The following PDE4D variants were observed in gnomAD, a reference collection of about 807,000 sequenced individuals.
The protein encoded by PDE4D is phosphodiesterase 4D.
In PDE4D, 24 loss-of-function variants were observed where a neutral mutation model predicts 87.4. The observed-to-expected ratio is 0.27, with a 90% CI of 0.20 to 0.39. PDE4D has a LOEUF of 0.39. Ranked by LOEUF, PDE4D falls within the 10% of genes least tolerant of loss-of-function variation. The probability of loss-of-function intolerance (pLI) is 1.00; values close to 1 mark genes in which losing one functional copy is unlikely to be tolerated. For missense variants in PDE4D, 714 were observed against 1,041.0 expected, an observed-to-expected ratio of 0.69 and a Z score of 4.32; for synonymous variants, 384 against 383.2, an observed-to-expected ratio of 1.00 and a Z score of -0.02.
intron 1 of PDE4D, among the ~76,000 whole-genome samples, chr5:59,384,338 G>A (rs1373532645): frequency 1.3e-5 from 2 of 152,150 alleles, no homozygotes; most frequent in African/African-American, 4.8e-5. Context: ...TAGTTGAATG[G>A]AGCCACGTGA....
At chr5:60,276,001 T>C (rs970080575) in intron 1 of PDE4D, among the ~76,000 whole-genome samples, 1 of 152,208 alleles carries the variant, frequency 6.6e-6, no homozygotes, top group Non-Finnish European at 1.5e-5. Context: ...ACAAACACTC[T>C]GTATGATTTA....
chr5:59,593,319 C>CAA (rs35227171), intron 1 of PDE4D, among the ~76,000 whole-genome samples: 6 of 112,354 alleles, frequency 5.3e-5, no homozygotes, highest in Admixed American at 9.2e-5. Flanking sequence ...TAATGGCTCT[C>CAA]AAAAAAAAAA....
intron 3 of PDE4D, among the ~76,000 whole-genome samples, chr5:59,911,652 A>AG (rs1221487451): frequency 1.3e-5 from 2 of 152,212 alleles, no homozygotes; most frequent in African/African-American, 4.8e-5. Flanking sequence ...GGGCAGTTAC[A>AG]GGAGCATCGG....
chr5:60,017,273 A>T (rs1261089397), intron 2 of PDE4D, among the ~76,000 whole-genome samples: 1 of 152,144 alleles, frequency 6.6e-6, no homozygotes, highest in African/African-American at 2.4e-5. Flanking sequence ...GCACAAAGAG[A>T]GTAGATTTAG....
At chr5:60,403,513 G>T (rs1295768214) in intron 1 of PDE4D, among the ~76,000 whole-genome samples, 1 of 152,224 alleles carries the variant, frequency 6.6e-6, no homozygotes, top group Non-Finnish European at 1.5e-5. Context: ...GGACAGAAAA[G>T]ATGACCTCTT....
At chr5:60,425,104 C>T (rs1276195646) in intron 1 of PDE4D, among the ~76,000 whole-genome samples, 1 of 152,180 alleles carries the variant, frequency 6.6e-6, no homozygotes, top group South Asian at 2.1e-4. Flanking sequence ...AACGGCCACA[C>T]TGCCCAAGGT....
At chr5:59,503,356 G>C (rs1808667729) in intron 1 of PDE4D, among the ~76,000 whole-genome samples, 1 of 152,180 alleles carries the variant, frequency 6.6e-6, no homozygotes, top group African/African-American at 2.4e-5. Context: ...GCTATCCAGA[G>C]GCAGCTTTAT....
intron 1 of PDE4D, among the ~76,000 whole-genome samples, chr5:59,372,621 A>C (rs532078018): frequency 7.9e-5 from 12 of 152,286 alleles, no homozygotes; most frequent in Admixed American, 5.9e-4. Flanking sequence ...GAAGGCATTC[A>C]GACCTGTGCC....
chr5:60,225,549 C>A (rs750763984), intron 1 of PDE4D, among the ~76,000 whole-genome samples: 1 of 151,982 alleles, frequency 6.6e-6, no homozygotes, highest in African/African-American at 2.4e-5. Flanking sequence ...CTATTAGGTT[C>A]ATTTGTTCAA....
intron 1 of PDE4D, among the ~76,000 whole-genome samples, chr5:60,424,847 A>C (rs969756135): frequency 2.5e-4 from 38 of 152,218 alleles, no homozygotes; most frequent in Non-Finnish European, 4.1e-4. Flanking sequence ...TCAGGATACA[A>C]AATCAATGTG....
chr5:60,028,050 CT>C (rs1766825176), intron 2 of PDE4D, among the ~76,000 whole-genome samples: 1 of 152,166 alleles, frequency 6.6e-6, no homozygotes, highest in Non-Finnish European at 1.5e-5. Flanking sequence ...ATACTTCTCT[CT>C]TATTTCACTT....
chr5:60,428,683 T>G (rs779356544), intron 1 of PDE4D, among the ~76,000 whole-genome samples: 7 of 152,200 alleles, frequency 4.6e-5, no homozygotes, highest in African/African-American at 7.2e-5. Flanking sequence ...ATATAAAGAA[T>G]TTTCATAATG....
intron 1 of PDE4D, among the ~76,000 whole-genome samples, chr5:59,690,101 A>G (rs1360345014): frequency 2.6e-5 from 4 of 152,228 alleles, no homozygotes; most frequent in Admixed American, 1.3e-4. Flanking sequence ...TTCCATGCTC[A>G]TAGATAGGAA....
At chr5:59,560,908 G>C (rs1819866899) in intron 1 of PDE4D, 1 of 152,138 alleles carries the variant, frequency 6.6e-6, no homozygotes. Flanking sequence ...TCAGGGATCT[G>C]GAAAGCCTTG....
Position 59,183,871 on chromosome 5 carries a change from T to G in PDE4D, c.758+1318A>C, listed in dbSNP as rs554178853. 3.3e-5 allele frequency among the ~76,000 whole-genome samples: 5 copies of G among 152,252 alleles called. No homozygotes were observed. The South Asian group carries it at 1.0e-3, about 32-fold the overall frequency. Reference sequence around the variant, plus strand: ...TTATGCTAGGCACAGGGAATACAAATGTGAACCGACTACATTCCTACTCAC... The same window carrying G: ...TTATGCTAGGCACAGGGAATACAAAGGTGAACCGACTACATTCCTACTCAC... On this transcript the variant is annotated intron_variant, in intron 4 of 14. Coordinates refer to ENST00000340635, the MANE Select transcript of PDE4D (RefSeq NM_001104631.2).
chr5:59,893,022 C>T, intron 1 of PDE4D, 146 bp downstream of exon 1: 1 of 773,344 alleles, frequency 1.3e-6, no homozygotes. Flanking sequence ...AGGATAGGCA[C>T]ACCCCTGTTT....
At chr5:59,065,411 A>G (rs1763785175) in intron 5 of PDE4D, among the ~76,000 whole-genome samples, 1 of 152,186 alleles carries the variant, frequency 6.6e-6, no homozygotes, top group South Asian at 2.1e-4. Context: ...GCTGTATAAC[A>G]TAAGTATACA....
intron 1 of PDE4D, among the ~76,000 whole-genome samples, chr5:60,407,632 T>C (rs972567297): frequency 3.3e-5 from 5 of 151,298 alleles, no homozygotes; most frequent in Admixed American, 1.3e-4. Flanking sequence ...TTTGTATTTT[T>C]AGTAGAGATG....
intron 1 of PDE4D, among the ~76,000 whole-genome samples, chr5:59,650,472 C>G (rs1743262758): frequency 6.6e-6 from 1 of 152,114 alleles, no homozygotes; most frequent in Non-Finnish European, 1.5e-5. Context: ...AGGGCTAACT[C>G]TGCACTCTGC....
Sources: allele counts gnomAD v4.1 joint callset (sites outside exome capture counted in the v4.1 genomes callset), GRCh38; gene constraint gnomAD v4.1.1; transcripts MANE v1.5; gene names NCBI Gene and HGNC (gene_info 2026-07-23, HGNC 2026-07-21).